The following DPP10 variants were observed in gnomAD, a reference collection of about 807,000 sequenced individuals.
The protein encoded by DPP10 is dipeptidyl peptidase like 10.
Under a neutral mutation model 120.9 loss-of-function variants are expected in DPP10, and 33 were observed. The ratio of observed to expected loss-of-function variants is 0.27; its 90% CI spans 0.21 to 0.37. DPP10 has a LOEUF of 0.37. Among genes scored for constraint, DPP10 ranks in the 10% least tolerant of loss-of-function variants. The probability of loss-of-function intolerance (pLI) is 1.00; values close to 1 mark genes in which losing one functional copy is unlikely to be tolerated. For synonymous variants in DPP10, 337 were observed against 326.1 expected, an observed-to-expected ratio of 1.03 and a Z score of -0.36; for missense variants, 816 against 942.8, an observed-to-expected ratio of 0.87 and a Z score of 1.76.
At chr2:114,662,060 C>A (rs942046892) in intron 1 of DPP10, among the ~76,000 whole-genome samples, 3 of 151,680 alleles carry the variant, frequency 2.0e-5, no homozygotes, top group African/African-American at 7.2e-5. Context: ...GGCCTCAGGT[C>A]GGCCGGCTGC....
intron 3 of DPP10, among the ~76,000 whole-genome samples, chr2:115,435,636 A>G (rs921352359): frequency 3.3e-5 from 5 of 151,808 alleles, no homozygotes; most frequent in African/African-American, 7.2e-5. Context: ...AATATTATCA[A>G]ATTCTGTTGG....
chr2:114,450,971 C>T (rs943273118), intron 1 of DPP10, among the ~76,000 whole-genome samples: 1 of 152,098 alleles, frequency 6.6e-6, no homozygotes, highest in Admixed American at 6.6e-5. Flanking sequence ...GACTGAAAAA[C>T]ACCACTTCTC....
chr2:114,661,873 T>C (rs957060525), intron 1 of DPP10, among the ~76,000 whole-genome samples: 1 of 152,058 alleles, frequency 6.6e-6, no homozygotes, highest in Non-Finnish European at 1.5e-5. Context: ...AATAAAATAA[T>C]AACACAGGAA....
intron 1 of DPP10, among the ~76,000 whole-genome samples, chr2:115,157,321 T>C (rs950328808): frequency 2.0e-5 from 3 of 151,402 alleles, no homozygotes; most frequent in African/African-American, 7.3e-5. Context: ...TATCTTCAGG[T>C]CTCCAGAGAG....
intron 1 of DPP10, among the ~76,000 whole-genome samples, chr2:114,455,095 A>G (rs185391799): frequency 1.8e-4 from 27 of 152,122 alleles, no homozygotes; most frequent in African/African-American, 6.5e-4. Flanking sequence ...CCAGAAGACG[A>G]TATCACTATG....
chr2:115,051,258 C>T (rs1034250152), intron 1 of DPP10, among the ~76,000 whole-genome samples: 7 of 151,672 alleles, frequency 4.6e-5, no homozygotes, highest in African/African-American at 1.7e-4. Flanking sequence ...GCCCAAGGAA[C>T]TGAAGAAAAT....
chr2:114,723,942 C>T (rs1359417854), intron 1 of DPP10, among the ~76,000 whole-genome samples: 2 of 152,130 alleles, frequency 1.3e-5, no homozygotes, highest in Non-Finnish European at 2.9e-5. Flanking sequence ...CCTCTGCACA[C>T]CCATATAAAA....
At chr2:114,752,064 G>A (rs764498537) in intron 1 of DPP10, among the ~76,000 whole-genome samples, 1 of 152,196 alleles carries the variant, frequency 6.6e-6, no homozygotes, top group Non-Finnish European at 1.5e-5. Flanking sequence ...TTATGAGGCA[G>A]TTGTCTGGGG....
intron 2 of DPP10, among the ~76,000 whole-genome samples, chr2:115,324,917 C>T (rs1319995250): frequency 6.6e-6 from 1 of 151,686 alleles, no homozygotes; most frequent in Non-Finnish European, 1.5e-5. Context: ...AATAAGGGGG[C>T]CTGAAGAGAG....
chr2:115,755,160 A>C (rs901060100), intron 11 of DPP10, among the ~76,000 whole-genome samples: 1 of 152,110 alleles, frequency 6.6e-6, no homozygotes, highest in Non-Finnish European at 1.5e-5. Context: ...TTAGTTTCGC[A>C]TGTTTTTAAA....
chr2:114,784,703 T>C (rs1682624969), intron 1 of DPP10, among the ~76,000 whole-genome samples: 1 of 152,046 alleles, frequency 6.6e-6, no homozygotes, highest in Non-Finnish European at 1.5e-5. Context: ...AGTTTCCTGG[T>C]AATAAAAATT....
intron 1 of DPP10, among the ~76,000 whole-genome samples, chr2:115,257,275 T>G (rs1280636834): frequency 6.6e-6 from 1 of 152,176 alleles, no homozygotes; most frequent in Non-Finnish European, 1.5e-5. Context: ...GTACAAATTT[T>G]CTGTATTAGG....
At chr2:114,784,626 C>G (rs191046593) in intron 1 of DPP10, among the ~76,000 whole-genome samples, 1 of 152,166 alleles carries the variant, frequency 6.6e-6, no homozygotes, top group South Asian at 2.1e-4. Context: ...CAAGTCTTTT[C>G]CCCCCAATAT....
At chr2:115,035,162 T>A (rs1704141272) in intron 1 of DPP10, among the ~76,000 whole-genome samples, 1 of 152,206 alleles carries the variant, frequency 6.6e-6, no homozygotes, top group South Asian at 2.1e-4. Flanking sequence ...GCTCTATGCC[T>A]TCTCTTTCTG....
At chr2:115,374,137 C>A (rs1420236334) in intron 3 of DPP10, among the ~76,000 whole-genome samples, 1 of 152,260 alleles carries the variant, frequency 6.6e-6, no homozygotes, top group African/African-American at 2.4e-5. Flanking sequence ...TCTCACATTT[C>A]AAAACCAATC....
intron 21 of DPP10, among the ~76,000 whole-genome samples, chr2:115,816,435 A>G (rs1335167375): frequency 6.6e-6 from 1 of 152,140 alleles, no homozygotes; most frequent in Non-Finnish European, 1.5e-5. Flanking sequence ...CAATCTTAGG[A>G]AAACAGACAC....
intron 5 of DPP10, among the ~76,000 whole-genome samples, chr2:115,652,402 G>GAT (rs879758013): frequency 2.6e-4 from 32 of 123,824 alleles, no homozygotes; most frequent in East Asian, 8.6e-4. Flanking sequence ...AAACCAATAG[G>GAT]ATATATATGT....
intron 8 of DPP10, among the ~76,000 whole-genome samples, chr2:115,738,490 C>G (rs548216581): frequency 3.3e-5 from 5 of 152,206 alleles, no homozygotes; most frequent in Admixed American, 3.3e-4. Context: ...TTGCCACTCT[C>G]CATATGACAA....
intron 5 of DPP10, among the ~76,000 whole-genome samples, chr2:115,659,853 AC>A: frequency 1.3e-5 from 2 of 152,150 alleles, no homozygotes; most frequent in Non-Finnish European, 2.9e-5. Context: ...TTATTAATTA[AC>A]CATATCCTAA....
Sources: gnomAD v4.1 joint callset for allele counts (sites outside exome capture counted in the v4.1 genomes callset) on GRCh38, gnomAD v4.1.1 for gene constraint, MANE v1.5 for transcripts, NCBI Gene and HGNC (gene_info 2026-07-23, HGNC 2026-07-21) for gene names.